MYO16: variants seen among roughly 807,000 people sequenced by gnomAD.
MYO16 encodes myosin XVI, also known as unconventional myosin-XVI.
In MYO16, 94 loss-of-function variants were observed where a neutral mutation model predicts 205.3. That is an observed-to-expected ratio of 0.46 (90% CI 0.39 to 0.54). MYO16 has a LOEUF of 0.54. Ranked by LOEUF, MYO16 falls within the 20% of genes least tolerant of loss-of-function variation. The pLI is 0.00. For synonymous variants in MYO16, 988 were observed against 954.0 expected (o/e 1.04, Z -0.66); for missense variants, 2,315 against 2,387.5 (o/e 0.97, Z 0.63).
intron 23 of MYO16, among the ~76,000 whole-genome samples, chr13:109,023,983 T>C (rs1164816417): frequency 8.4e-6 from 1 of 118,960 alleles, no homozygotes; most frequent in African/African-American, 2.9e-5. Flanking sequence ...TATATGTATA[T>C]ATTTCTATAT....
rs556082917 is a variant in MYO16 at position 109,003,590 on chromosome 13, G to A, written c.2443-5307G>A. ...GACGTTTGTGGAAAAAAGGAAGAAA[G>A]CTGAGACCTGGCTTCTTCCCGTCCT... On this transcript the variant is annotated intron_variant, in intron 21 of 34. Transcript: ENST00000457511. 2.0e-5 allele frequency among the ~76,000 whole-genome samples: 3 copies of A among 152,268 alleles called. No individual in the cohort carries two copies. The East Asian group carries it at 5.8e-4, about 29-fold the overall frequency.
At chr13:109,171,069 G>A (rs979793072) in intron 33 of MYO16, among the ~76,000 whole-genome samples, 4 of 152,114 alleles carry the variant, frequency 2.6e-5, no homozygotes, top group African/African-American at 9.7e-5. Flanking sequence ...TGAATTTCTG[G>A]GGGCCTGGAA....
At chr13:108,708,345 G>T (rs563231689) in intron 2 of MYO16, among the ~76,000 whole-genome samples, 1 of 152,234 alleles carries the variant, frequency 6.6e-6, no homozygotes, top group South Asian at 2.1e-4. Flanking sequence ...AAATTCTCAG[G>T]CATACTTTTT....
At chr13:108,769,979 A>G (rs1413090186) in intron 4 of MYO16, among the ~76,000 whole-genome samples, 1 of 152,232 alleles carries the variant, frequency 6.6e-6, no homozygotes, top group East Asian at 1.9e-4. Flanking sequence ...AATGTTATTT[A>G]TAGTAATGAT....
chr13:109,066,237 A>C (rs2139638064), intron 27 of MYO16, among the ~76,000 whole-genome samples: 1 of 152,322 alleles, frequency 6.6e-6, no homozygotes, highest in East Asian at 1.9e-4. Flanking sequence ...GTCTTTTAAA[A>C]GTCTGCCTTG....
chr13:109,194,553 G>C (rs1224943810), intron 34 of MYO16, among the ~76,000 whole-genome samples: 1 of 152,096 alleles, frequency 6.6e-6, no homozygotes, highest in Non-Finnish European at 1.5e-5. Flanking sequence ...AACCTTGAGG[G>C]GGCATCTATC....
intron 34 of MYO16, among the ~76,000 whole-genome samples, chr13:109,203,770 G>A (rs1880493473): frequency 6.6e-6 from 1 of 152,184 alleles, no homozygotes; most frequent in Admixed American, 6.5e-5. Flanking sequence ...CCCTGCCAGG[G>A]TTTTACTTCT....
chr13:108,992,773 G>C (rs1884879758), intron 21 of MYO16, among the ~76,000 whole-genome samples: 1 of 152,092 alleles, frequency 6.6e-6, no homozygotes, highest in Non-Finnish European at 1.5e-5. Flanking sequence ...ATAAGGCAAA[G>C]GCTTTCAAAA....
chr13:108,519,392 C>G, the MYO16 span, among the ~76,000 whole-genome samples: 9 of 152,042 alleles, frequency 5.9e-5, no homozygotes, highest in African/African-American at 1.9e-4. Flanking sequence ...TCTTTGTACT[C>G]CCACCCCTCT....
intron 23 of MYO16, among the ~76,000 whole-genome samples, chr13:109,043,070 CA>C (rs1486765179): frequency 6.6e-6 from 1 of 152,064 alleles, no homozygotes; most frequent in Non-Finnish European, 1.5e-5. Context: ...GAGAACTTTC[CA>C]AAGAACATTA....
chr13:109,127,290 A>C lies in MYO16; in HGVS notation c.3791A>C (p.Asp1264Ala). 6.3e-7 allele frequency: 1 copy of C among 1,584,066 alleles called. No individual in the cohort carries two copies. The highest frequency in any genetic ancestry group is 1.1e-5 in the South Asian group (1 of 88,150). Reference protein sequence around the residue: ...MQEEGSKRTDDKSGPRHFHPS... With the variant: ...MQEEGSKRTDAKSGPRHFHPS... Reference sequence around the variant, plus strand: ...TTTTGTTTCCCCCTAAGAACCGATGACAAGAGTGGACCCAGGCATTTCCAC... The same window carrying C: ...TTTTGTTTCCCCCTAAGAACCGATGCCAAGAGTGGACCCAGGCATTTCCAC... The change falls in exon 31 of 35, where the codon GAC becomes GCC. Residue 1264 changes from aspartate to alanine, a missense_variant. Physicochemically the swap from Asp to Ala is moderately radical, Grantham distance 126. This residue lies in a region of MYO16 where 1,097 missense variants were observed against 1,092.0 expected (regional missense o/e 1.00). Coordinates refer to ENST00000457511, the MANE Select transcript of MYO16 (RefSeq NM_001198950.3). The surrounding 1 kb of genome is among the most constrained non-coding windows in gnomAD (Gnocchi z 4.2).
intron 34 of MYO16, among the ~76,000 whole-genome samples, chr13:109,189,921 G>GT (rs1879839444): frequency 8.1e-6 from 1 of 122,994 alleles, no homozygotes; most frequent in Admixed American, 7.6e-5. Flanking sequence ...GTGTTTTGTT[G>GT]TTGTTTTTTT....
intron 23 of MYO16, among the ~76,000 whole-genome samples, chr13:109,023,164 A>T (rs1428501368): frequency 7.7e-6 from 1 of 129,318 alleles, no homozygotes; most frequent in African/African-American, 2.8e-5. Flanking sequence ...ATATATACAA[A>T]TACAAATTTA....
Position 109,127,486 on chromosome 13 carries a change from G to C in MYO16, c.3987G>C (p.Arg1329=), listed in dbSNP as rs772550125. 1.5e-5 allele frequency: 24 copies of C among 1,613,572 alleles called. No homozygotes were observed. Among genetic ancestry groups the C allele is most frequent in the Admixed American group, 3.3e-5 (2 of 59,998 alleles). The change falls in exon 31 of 35, where the codon CGG becomes CGC. Residue 1329 remains arginine (R), a synonymous_variant. Transcript: ENST00000457511. The surrounding 1 kb of genome is among the most constrained non-coding windows in gnomAD (Gnocchi z 4.2). The part of the protein sequence containing the change: ...PPKPKRDPNT[R]LSASYEAVSA... The stretch of plus-strand genomic sequence containing the variant: ...AGCCAAAGAGGGACCCCAACACCCG[G>C]CTGAGTGCTTCCTATGAGGCTGTGA...
chr13:108,792,545 C>G lies in MYO16; in HGVS notation c.617-971C>G, dbSNP rs28697939. On this transcript the variant is annotated intron_variant, in intron 5 of 34. Coordinates refer to ENST00000457511, the MANE Select transcript of MYO16 (RefSeq NM_001198950.3). ...TTTTTTTTTGAGATGGAGTTTTGCT[C>G]TTGGTGCCCAGGCTGGAGTGCAGTG... Among the ~76,000 whole-genome samples the G allele has an allele frequency of 2.3e-3, 330 of 141,288 alleles. 2 individuals carry two copies. The highest frequency in any genetic ancestry group is 8.3e-3 in the African/African-American group (319 of 38,408). The allele number at this position is 141,288 out of a possible 152,430, so 92.7% of individuals were successfully genotyped here.
At chr13:109,068,503 A>C (rs1204506201) in intron 27 of MYO16, among the ~76,000 whole-genome samples, 1 of 116,120 alleles carries the variant, frequency 8.6e-6, no homozygotes, top group Non-Finnish European at 2.0e-5. Context: ...GGTGATATTT[A>C]GTCTTTAAGA....
At chr13:109,197,120 G>A (rs1036181497) in intron 34 of MYO16, among the ~76,000 whole-genome samples, 7 of 152,114 alleles carry the variant, frequency 4.6e-5, no homozygotes, top group Non-Finnish European at 7.3e-5. Flanking sequence ...CTCCTTCAGC[G>A]GCTCCGCCCA....
chr13:108,659,192 A>G (rs1566533981), intron 1 of MYO16, among the ~76,000 whole-genome samples: 1 of 148,008 alleles, frequency 6.8e-6, no homozygotes, highest in African/African-American at 2.5e-5. Context: ...CCATGTGTGT[A>G]TATATATGTG....
At chr13:108,840,549 AT>A (rs1877191709) in intron 9 of MYO16, among the ~76,000 whole-genome samples, 2 of 152,116 alleles carry the variant, frequency 1.3e-5, no homozygotes, top group Non-Finnish European at 1.5e-5. Context: ...TTGTTTCATT[AT>A]TTTTTGAGAC....
Sources: allele counts gnomAD v4.1 joint callset (sites outside exome capture counted in the v4.1 genomes callset), GRCh38; gene constraint gnomAD v4.1.1; regional missense constraint gnomAD v4.1.1; non-coding constraint Gnocchi (gnomAD v3.1); transcripts MANE v1.5; gene names NCBI Gene and HGNC (gene_info 2026-07-23, HGNC 2026-07-21).